Variants in SYNM observed in about 807,000 individuals in gnomAD.
SYNM encodes synemin, also known as desmuslin.
Under a neutral mutation model 104.0 loss-of-function variants are expected in SYNM, and 95 were observed. That is an observed-to-expected ratio of 0.91 (90% CI 0.77 to 1.08). SYNM has a LOEUF of 1.08. SYNM is among the 50% of genes least tolerant of loss of function. SYNM has a pLI of 0.00. For synonymous variants in SYNM, 918 were observed against 869.0 expected (o/e 1.06, Z -0.99); for missense variants, 2,150 against 2,052.2 (o/e 1.05, Z -0.92).
At position 99,129,609 on chromosome 15, in the gene SYNM, A is replaced by G; in HGVS notation, c.1249A>G (p.Lys417Glu). The G allele has an allele frequency of 6.2e-7, 1 of 1,613,956 alleles. No individual in the cohort carries two copies. Reference protein sequence around the residue: ...ATTQQENSYGKAVSSQTNVRT... With the variant: ...ATTQQENSYGEAVSSQTNVRT... ...TACCCAGCAGGAAAACTCATACGGA[A>G]AAGCCGTCAGCAGTCAAACCAACGT... Residue 417 changes from lysine to glutamate, a missense_variant, in exon 4 of 4, where the codon AAA becomes GAA. By Grantham distance (56) the Lys-to-Glu change is moderately conservative. Coordinates refer to ENST00000336292, the MANE Select transcript of SYNM (RefSeq NM_145728.3).
In SYNM at chr15:99,135,489, T is replaced by C. The variant is rs979829622; in HGVS notation, c.*2431T>C. On this transcript the variant is annotated 3_prime_UTR_variant, in exon 4 of 4. Transcript: ENST00000336292. ...TGATATTGTTTGTTTAAGATGTATA[T>C]TTAGAATGACATCATCTAAGAAGCT... The C allele has an allele frequency of 6.6e-6, 1 of 152,634 alleles. No individual in the cohort carries two copies. Among genetic ancestry groups the C allele is most frequent in the Admixed American group, 6.5e-5 (1 of 15,282 alleles). The allele number at this position is 152,634 out of a possible 1,614,324, so 9.5% of individuals were successfully genotyped here.
At position 99,129,877 on chromosome 15, in the gene SYNM, G is replaced by A. The variant is rs782318035; in HGVS notation, c.1517G>A (p.Arg506Lys). Residue 506 changes from arginine to lysine, a missense_variant, in exon 4 of 4, where the codon AGG (arginine) becomes AAG (lysine). Coordinates refer to ENST00000336292, the MANE Select transcript of SYNM (RefSeq NM_145728.3). ...LGKKTEVKAT[R>K]EQERNRPETI... ...AAGAAAACAGAAGTGAAAGCCACGA[G>A]GGAGCAAGAAAGAAACAGACCAGAA... The A allele has an allele frequency of 5.6e-6, 9 of 1,613,326 alleles. No homozygotes were observed. The highest frequency in any genetic ancestry group is 7.6e-6 in the Non-Finnish European group (9 of 1,179,662).
chr15:99,121,051 G>T (rs2067396186), intron 2 of SYNM, among the ~76,000 whole-genome samples: 1 of 152,188 alleles, frequency 6.6e-6, no homozygotes, highest in Non-Finnish European at 1.5e-5. Context: ...TTGGGCCTTT[G>T]GGTGGTGGGG....
At chr15:99,118,063 C>T (rs1401756984) in intron 2 of SYNM, among the ~76,000 whole-genome samples, 1 of 152,208 alleles carries the variant, frequency 6.6e-6, no homozygotes. Flanking sequence ...AGGCCCTGCC[C>T]CGCTGCAGAC....
chr15:99,127,182 A>G (rs1016774985), intron 3 of SYNM, among the ~76,000 whole-genome samples: 2 of 152,152 alleles, frequency 1.3e-5, no homozygotes, highest in Non-Finnish European at 2.9e-5. Context: ...ATGGCCTTGG[A>G]TGGCAGGCAG....
rs112051648 is a variant in SYNM at position 99,125,728 on chromosome 15, C to T, written c.936-994C>T. 3.4e-3 allele frequency among the ~76,000 whole-genome samples: 511 copies of T among 152,366 alleles called. 2 individuals carry two copies. Among genetic ancestry groups the T allele is most frequent in the Non-Finnish European group, 5.6e-3 (380 of 68,032 alleles). On this transcript the variant is annotated intron_variant, in intron 2 of 3. Transcript: ENST00000336292. Reference sequence around the variant, plus strand: ...TGGCATTTCTCAGTGGGCTCTTGTTCTGGATGCCTTTTGCCGTGTGCAGTG... The same window carrying T: ...TGGCATTTCTCAGTGGGCTCTTGTTTTGGATGCCTTTTGCCGTGTGCAGTG...
At chr15:99,122,375 A>G (rs1427481644) in intron 2 of SYNM, among the ~76,000 whole-genome samples, 2 of 152,208 alleles carry the variant, frequency 1.3e-5, no homozygotes, top group African/African-American at 4.8e-5. Flanking sequence ...TCACGTGTCT[A>G]TTCAAAGGAA....
downstream of SYNM, among the ~76,000 whole-genome samples, chr15:99,138,957 G>C (rs1468588844): frequency 5.3e-5 from 8 of 152,174 alleles, no homozygotes; most frequent in African/African-American, 1.9e-4. Context: ...TGAACCTTCC[G>C]GCTCCAGTCC....
At position 99,105,091 on chromosome 15, in the gene SYNM, C is replaced by G; in HGVS notation, c.-109C>G. 7.6e-7 allele frequency: 1 copy of G among 1,312,210 alleles called. No individual in the cohort carries two copies. The allele number at this position is 1,312,210 out of a possible 1,614,324, so 81.3% of individuals were successfully genotyped here. A position where few individuals can be genotyped will look rare whatever the true frequency, so the allele number is the denominator to read the frequency against. On this transcript the variant is annotated 5_prime_UTR_variant, in exon 1 of 4. Coordinates refer to ENST00000336292, the MANE Select transcript of SYNM (RefSeq NM_145728.3). ...CCCGCTCGCGTCCCAGTCTGCGGGCCTCCGGGGCAGCGGCGAGGCCGGAGC... is the reference window on the plus strand; with the variant it reads ...CCCGCTCGCGTCCCAGTCTGCGGGCGTCCGGGGCAGCGGCGAGGCCGGAGC...
intron 2 of SYNM, among the ~76,000 whole-genome samples, chr15:99,118,914 T>C (rs1327240982): frequency 6.6e-6 from 1 of 152,082 alleles, no homozygotes; most frequent in Non-Finnish European, 1.5e-5. Flanking sequence ...GAGCGGGAGC[T>C]GTGGGGCTGG....
In SYNM at chr15:99,130,985, G is replaced by A. The variant is rs782330693; in HGVS notation, c.2625G>A (p.Arg875=). ...WQDEIVQGTR[R]RTQKDGAVGE... ...ATGAAATCGTGCAGGGGACTCGAAG[G>A]AGGACACAGAAGGACGGTGCAGTGG... is the stretch of plus-strand genomic sequence containing the variant. Residue 875 remains arginine, a synonymous_variant, in exon 4 of 4, where the codon AGG becomes AGA. Transcript: ENST00000336292. 6.2e-7 allele frequency: 1 copy of A among 1,613,826 alleles called. No homozygotes were observed. The highest frequency in any genetic ancestry group is 8.5e-7 in the Non-Finnish European group (1 of 1,179,808).
At chr15:99,139,995 C>A, downstream of SYNM, 1 of 228,562 alleles carries the variant, frequency 4.4e-6, no homozygotes, top group Non-Finnish European at 8.9e-6. Context: ...TAAAGTTGTG[C>A]CCAAAATGGC....
In SYNM at chr15:99,131,935, C is replaced by G. The variant is rs1555486004; in HGVS notation, c.3575C>G (p.Pro1192Arg). The G allele has an allele frequency of 1.2e-6, 2 of 1,613,798 alleles. No individual in the cohort carries two copies. The highest frequency in any genetic ancestry group is 8.5e-7 in the Non-Finnish European group (1 of 1,179,842). The change falls in exon 4 of 4, where the codon CCT (proline) becomes CGT (arginine). Residue 1192 changes from proline (P) to arginine (R), a missense_variant. By Grantham distance (103) the Pro-to-Arg change is moderately radical. Coordinates refer to ENST00000336292, the MANE Select transcript of SYNM (RefSeq NM_145728.3). The surrounding 1 kb of genome is among the most constrained non-coding windows in gnomAD (Gnocchi z 4.3). ...PLSREVIFLG[P>R]APACPEAWGS... ...TCCAGAGAAGTCATCTTCCTAGGCC[C>G]TGCCCCTGCCTGTCCAGAGGCATGG...
chr15:99,110,388 T>C (rs2067290751), intron 1 of SYNM, among the ~76,000 whole-genome samples: 2 of 152,222 alleles, frequency 1.3e-5, no homozygotes, highest in African/African-American at 2.4e-5. Flanking sequence ...GGGTGGGAGA[T>C]TCAAGTTCCA....
intron 1 of SYNM, among the ~76,000 whole-genome samples, chr15:99,110,651 A>C (rs1471935521): frequency 1.3e-5 from 2 of 152,250 alleles, no homozygotes; most frequent in Non-Finnish European, 2.9e-5. Context: ...TTGCTCAGTG[A>C]GCGGTAGCTC....
At chr15:99,120,118 C>T (rs1354687226) in intron 2 of SYNM, among the ~76,000 whole-genome samples, 1 of 152,212 alleles carries the variant, frequency 6.6e-6, no homozygotes, top group Non-Finnish European at 1.5e-5. Flanking sequence ...TAAAACGTTA[C>T]ACAACTCGTA....
chr15:99,115,354 C>T (rs538504878), intron 2 of SYNM, among the ~76,000 whole-genome samples: 1 of 152,148 alleles, frequency 6.6e-6, no homozygotes, highest in East Asian at 1.9e-4. Flanking sequence ...GGGACCATCC[C>T]CAGGCCTAGT....
At chr15:99,114,056 G>A (rs1224907156) in intron 2 of SYNM, among the ~76,000 whole-genome samples, 1 of 152,008 alleles carries the variant, frequency 6.6e-6, no homozygotes, top group Non-Finnish European at 1.5e-5. Flanking sequence ...AACAGACTTT[G>A]CTCAGAGAAG....
intron 3 of SYNM, among the ~76,000 whole-genome samples, chr15:99,127,294 C>G (rs2067456710): frequency 6.6e-6 from 1 of 152,166 alleles, no homozygotes; most frequent in Non-Finnish European, 1.5e-5. Flanking sequence ...AAAATGTGTC[C>G]TGGTGCCTTG....
Sources: gnomAD v4.1 joint callset for allele counts (sites outside exome capture counted in the v4.1 genomes callset) on GRCh38, gnomAD v4.1.1 for gene constraint, Gnocchi (gnomAD v3.1) non-coding constraint, MANE v1.5 for transcripts, NCBI Gene and HGNC (gene_info 2026-07-23, HGNC 2026-07-21) for gene names.